SPAG16: variants seen among roughly 807,000 people sequenced by gnomAD.
SPAG16 encodes the protein sperm-associated antigen 16 protein.
Under a neutral mutation model 80.4 loss-of-function variants are expected in SPAG16, and 86 were observed. That is an observed-to-expected ratio of 1.07 (90% CI 0.90 to 1.28). The LOEUF (loss-of-function observed/expected upper bound fraction) is 1.28, where lower values mean the gene tolerates loss of function less well. Among genes scored for constraint, SPAG16 ranks in the 50% most tolerant of loss-of-function variants. SPAG16 has a pLI of 0.00. For missense variants in SPAG16, 870 were observed against 765.3 expected (o/e 1.14, Z -1.61); for synonymous variants, 294 against 265.9 (o/e 1.11, Z -1.03).
At chr2:213,832,932 C>T (rs768288212) in intron 10 of SPAG16, among the ~76,000 whole-genome samples, 10 of 152,064 alleles carry the variant, frequency 6.6e-5, no homozygotes, top group African/African-American at 2.2e-4. Context: ...TCCACCTCTA[C>T]ACTATCTCTA....
intron 10 of SPAG16, among the ~76,000 whole-genome samples, chr2:213,705,944 AT>A (rs1346754366): frequency 6.6e-6 from 1 of 152,204 alleles, no homozygotes; most frequent in Non-Finnish European, 1.5e-5. Flanking sequence ...GCAAATAGAT[AT>A]TTGCCATAAA....
At chr2:213,311,674 C>T (rs1168269637) in intron 4 of SPAG16, among the ~76,000 whole-genome samples, 3 of 151,494 alleles carry the variant, frequency 2.0e-5, no homozygotes, top group Non-Finnish European at 4.4e-5. Flanking sequence ...CCCTAGCTGC[C>T]AGTTTGCAAT....
chr2:213,448,546 T>C (rs756573186), intron 9 of SPAG16, among the ~76,000 whole-genome samples: 6 of 152,102 alleles, frequency 3.9e-5, no homozygotes, highest in Non-Finnish European at 5.9e-5. Context: ...GAATCCTGCA[T>C]CAAAACTGAG....
intron 15 of SPAG16, among the ~76,000 whole-genome samples, chr2:214,259,678 C>G (rs1026323573): frequency 1.3e-5 from 2 of 151,810 alleles, no homozygotes; most frequent in African/African-American, 2.4e-5. Context: ...GTTTTCGTCT[C>G]CGGTTCCTTT....
intron 12 of SPAG16, among the ~76,000 whole-genome samples, chr2:213,942,181 C>T (rs975825082): frequency 1.3e-5 from 2 of 152,116 alleles, no homozygotes; most frequent in African/African-American, 4.8e-5. Context: ...TCTGGTTAAA[C>T]CTAATTCTCT....
chr2:214,091,214 G>T (rs7589481), intron 13 of SPAG16, among the ~76,000 whole-genome samples: 34,150 of 151,856 alleles, frequency 0.22, 3,965 homozygotes, highest in East Asian at 0.31. Flanking sequence ...TGATATTTAT[G>T]GAGTACTTAT....
chr2:213,814,872 A>AATATAT (rs34269015), intron 10 of SPAG16, among the ~76,000 whole-genome samples: 5 of 148,206 alleles, frequency 3.4e-5, no homozygotes, highest in East Asian at 2.0e-4. Context: ...AACAGCCTTA[A>AATATAT]ATATATATAT....
intron 10 of SPAG16, among the ~76,000 whole-genome samples, chr2:213,777,708 T>C (rs1013693193): frequency 9.2e-5 from 14 of 152,096 alleles, no homozygotes; most frequent in African/African-American, 3.1e-4. Context: ...AACTAATTTT[T>C]GTATTTTTAG....
intron 10 of SPAG16, among the ~76,000 whole-genome samples, chr2:213,582,212 C>G (rs1431940123): frequency 1.3e-5 from 2 of 152,052 alleles, no homozygotes; most frequent in African/African-American, 2.4e-5. Flanking sequence ...TTTTTCTAAG[C>G]CTTTTAACTT....
rs1165853142 is a variant in SPAG16 at position 213,859,178 on chromosome 2, C to CAAAAAAAAA, written c.1071-3277_1071-3269dup. Among the ~76,000 whole-genome samples, 84 of 9,378 alleles carry CAAAAAAAAA rather than the reference C, an allele frequency of 9.0e-3. 37 individuals carry two copies. Among genetic ancestry groups the CAAAAAAAAA allele is most frequent in the South Asian group, 0.058 (5 of 86 alleles). 6.2% of individuals were successfully genotyped at this position (9,378 alleles called of 152,430 possible). On this transcript the variant is annotated intron_variant, in intron 10 of 15. Transcript: ENST00000331683. The stretch of plus-strand genomic sequence containing the variant: ...TGGGCAACAGAGCGACACTCCGTCT[C>CAAAAAAAAA]AAAAAAAAAAAAAAAAAAAAAAAAA...
chr2:213,361,360 A>ATG (rs1178223136), intron 7 of SPAG16, among the ~76,000 whole-genome samples: 1 of 140,940 alleles, frequency 7.1e-6, no homozygotes, highest in Non-Finnish European at 1.6e-5. Flanking sequence ...CAGAATATGT[A>ATG]TGTATGTGTG....
intron 10 of SPAG16, among the ~76,000 whole-genome samples, chr2:213,662,881 A>C (rs2063476126): frequency 6.6e-6 from 1 of 152,144 alleles, no homozygotes; most frequent in Non-Finnish European, 1.5e-5. Flanking sequence ...CATTTGACAA[A>C]TGTTTGTAAA....
chr2:214,312,825 G>GTACTC (rs1695429819), intron 15 of SPAG16, among the ~76,000 whole-genome samples: 2 of 152,010 alleles, frequency 1.3e-5, no homozygotes, highest in East Asian at 1.9e-4. Flanking sequence ...AATATAATTA[G>GTACTC]TACTCTATTT....
At chr2:213,604,196 T>G (rs1378242420) in intron 10 of SPAG16, among the ~76,000 whole-genome samples, 1 of 152,112 alleles carries the variant, frequency 6.6e-6, no homozygotes, top group Non-Finnish European at 1.5e-5. Flanking sequence ...CCTGCCTGAC[T>G]TCCTGTTTAT....
At chr2:214,098,673 G>A (rs989868090) in intron 13 of SPAG16, among the ~76,000 whole-genome samples, 2 of 152,080 alleles carry the variant, frequency 1.3e-5, no homozygotes, top group Non-Finnish European at 2.9e-5. Context: ...TAGCAAACTA[G>A]TATAAACTTA....
chr2:214,318,970 T>C (rs1695887947), intron 15 of SPAG16, among the ~76,000 whole-genome samples: 1 of 152,190 alleles, frequency 6.6e-6, no homozygotes, highest in Non-Finnish European at 1.5e-5. Context: ...TCTTACTTTT[T>C]ACGTTATTTC....
At chr2:213,627,606 C>G (rs1227997798) in intron 10 of SPAG16, among the ~76,000 whole-genome samples, 1 of 152,262 alleles carries the variant, frequency 6.6e-6, no homozygotes, top group East Asian at 1.9e-4. Context: ...CTTTACCACA[C>G]TATGAACTCC....
chr2:213,905,461 A>G (rs1025584488), intron 11 of SPAG16, among the ~76,000 whole-genome samples: 2 of 152,208 alleles, frequency 1.3e-5, no homozygotes, highest in Non-Finnish European at 2.9e-5. Context: ...ATCTTTCTTA[A>G]TATTTATAAA....
chr2:213,622,586 C>A (rs1447470931), intron 10 of SPAG16, among the ~76,000 whole-genome samples: 1 of 152,162 alleles, frequency 6.6e-6, no homozygotes, highest in African/African-American at 2.4e-5. Flanking sequence ...CTAGACCAAA[C>A]CCTTGGTGTT....
Sources: gnomAD v4.1 joint callset for allele counts (sites outside exome capture counted in the v4.1 genomes callset) on GRCh38, gnomAD v4.1.1 for gene constraint, MANE v1.5 for transcripts, NCBI Gene and HGNC (gene_info 2026-07-23, HGNC 2026-07-21) for gene names.